Variants in IQCM observed in about 807,000 individuals in gnomAD.
IQCM encodes the protein IQ domain-containing protein M.
IQCM carries 45 observed loss-of-function variants against 57.6 expected under a neutral mutation model. The observed-to-expected ratio is 0.78, with a 90% CI of 0.62 to 1.00. The LOEUF is 1.00. Among genes scored for constraint, IQCM ranks in the 50% least tolerant of loss-of-function variants. IQCM has a pLI of 0.00. For synonymous variants in IQCM, 148 were observed against 158.9 expected, an observed-to-expected ratio of 0.93 and a Z score of 0.51; for missense variants, 468 against 511.6, an observed-to-expected ratio of 0.91 and a Z score of 0.82.
intron 2 of IQCM, among the ~76,000 whole-genome samples, chr4:149,786,505 C>CAAAAAGTGGGCA (rs1412314038): frequency 1.3e-5 from 2 of 152,046 alleles, no homozygotes; most frequent in Non-Finnish European, 2.9e-5. Flanking sequence ...CAAAAACCAT[C>CAAAAAGTGGGCA]AAAAAGTGGG....
intron 12 of IQCM, among the ~76,000 whole-genome samples, chr4:149,474,631 C>T (rs192810742): frequency 7.9e-4 from 119 of 151,164 alleles, no homozygotes; most frequent in Middle Eastern, 3.4e-3. Context: ...GCAGGAGAAT[C>T]GCTTGAACTC....
intron 13 of IQCM, among the ~76,000 whole-genome samples, chr4:149,388,150 T>C (rs1731557076): frequency 6.6e-6 from 1 of 151,956 alleles, no homozygotes; most frequent in Non-Finnish European, 1.5e-5. Context: ...TGAATAGTTG[T>C]TGATGAGTTT....
intron 5 of IQCM, among the ~76,000 whole-genome samples, chr4:149,704,455 G>T (rs1425090253): frequency 6.6e-6 from 1 of 151,808 alleles, no homozygotes; most frequent in Non-Finnish European, 1.5e-5. Flanking sequence ...TTGCCACAAA[G>T]ATATGAATAA....
intron 2 of IQCM, among the ~76,000 whole-genome samples, chr4:149,774,746 A>G (rs1185950372): frequency 1.3e-5 from 2 of 149,466 alleles, no homozygotes; most frequent in East Asian, 2.0e-4. Context: ...CCTCTTGCCT[A>G]TTAAACTCCC....
intron 10 of IQCM, among the ~76,000 whole-genome samples, chr4:149,553,760 T>C (rs191282217): frequency 2.6e-4 from 40 of 152,316 alleles, no homozygotes; most frequent in Admixed American, 2.6e-3. Context: ...TTTGTTGTTG[T>C]TGATTTCTAA....
intron 8 of IQCM, among the ~76,000 whole-genome samples, chr4:149,593,756 T>C (rs1264373750): frequency 3.3e-5 from 5 of 152,042 alleles, no homozygotes; most frequent in African/African-American, 1.2e-4. Flanking sequence ...GGATGGATTA[T>C]GTTTATTGAC....
At chr4:149,745,294 T>C (rs973675189) in intron 2 of IQCM, among the ~76,000 whole-genome samples, 3 of 152,236 alleles carry the variant, frequency 2.0e-5, no homozygotes, top group Non-Finnish European at 4.4e-5. Flanking sequence ...TTGAAAGTTT[T>C]TGAACAGGGC....
At chr4:149,522,355 CAA>C (rs1745740092) in intron 12 of IQCM, among the ~76,000 whole-genome samples, 2 of 152,032 alleles carry the variant, frequency 1.3e-5, no homozygotes, top group Non-Finnish European at 2.9e-5. Flanking sequence ...TCCAGGAACC[CAA>C]GAGTCAAGTA....
At chr4:149,703,127 A>G (rs1580060168) in intron 5 of IQCM, among the ~76,000 whole-genome samples, 1 of 151,968 alleles carries the variant, frequency 6.6e-6, no homozygotes, top group East Asian at 1.9e-4. Context: ...AACTGTCTTC[A>G]TTATATTTTA....
At chr4:149,405,419 GGC>G (rs1229221908) in intron 13 of IQCM, among the ~76,000 whole-genome samples, 1 of 151,888 alleles carries the variant, frequency 6.6e-6, no homozygotes, top group Non-Finnish European at 1.5e-5. Flanking sequence ...GGGGATGGGG[GGC>G]TGGGGGAGGG....
chr4:149,414,132 C>T (rs1476411833), intron 13 of IQCM, among the ~76,000 whole-genome samples: 1 of 151,970 alleles, frequency 6.6e-6, no homozygotes, highest in African/African-American at 2.4e-5. Flanking sequence ...TATTTTAAAC[C>T]CGTCTTATTT....
intron 2 of IQCM, among the ~76,000 whole-genome samples, chr4:149,776,282 T>C (rs1771084613): frequency 6.6e-6 from 1 of 152,174 alleles, no homozygotes; most frequent in Non-Finnish European, 1.5e-5. Context: ...AAAATCTATT[T>C]TCTTTCTGAA....
intron 10 of IQCM, among the ~76,000 whole-genome samples, chr4:149,560,668 A>G (rs1020710629): frequency 6.6e-6 from 1 of 152,214 alleles, no homozygotes; most frequent in Non-Finnish European, 1.5e-5. Flanking sequence ...TGGTCTTTCG[A>G]TGTATGACAG....
At chr4:149,375,533 C>G (rs1730652220) in intron 13 of IQCM, among the ~76,000 whole-genome samples, 1 of 152,146 alleles carries the variant, frequency 6.6e-6, no homozygotes, top group Non-Finnish European at 1.5e-5. Flanking sequence ...ATATAGTAAA[C>G]AATTTCTACT....
intron 7 of IQCM, among the ~76,000 whole-genome samples, chr4:149,656,759 C>T (rs560240827): frequency 3.4e-4 from 51 of 151,990 alleles, no homozygotes; most frequent in African/African-American, 8.7e-4. Context: ...GTACGTAGGG[C>T]GGAATTCTCT....
At chr4:149,744,441 C>G (rs1301046437) in intron 2 of IQCM, among the ~76,000 whole-genome samples, 1 of 152,170 alleles carries the variant, frequency 6.6e-6, no homozygotes. Flanking sequence ...ATGGACTCTT[C>G]TCTGGGTCTG....
intron 9 of IQCM, among the ~76,000 whole-genome samples, chr4:149,573,449 AC>A (rs1180073666): frequency 1.3e-4 from 20 of 152,014 alleles, no homozygotes; most frequent in Admixed American, 7.9e-4. Context: ...TGTAAAAAAA[AC>A]ATTAGGTTGT....
chr4:149,414,482 G>A (rs1286227850), intron 13 of IQCM, among the ~76,000 whole-genome samples: 1 of 152,118 alleles, frequency 6.6e-6, no homozygotes, highest in Non-Finnish European at 1.5e-5. Context: ...GTTTTGGAAA[G>A]CAGAGATGTG....
At chr4:149,460,762 C>T (rs1396765471) in intron 12 of IQCM, among the ~76,000 whole-genome samples, 1 of 152,100 alleles carries the variant, frequency 6.6e-6, no homozygotes, top group Non-Finnish European at 1.5e-5. Flanking sequence ...CTTTTTAATA[C>T]CCATCTTTGC....
Sources: allele counts gnomAD v4.1 joint callset (sites outside exome capture counted in the v4.1 genomes callset), GRCh38; gene constraint gnomAD v4.1.1; transcripts MANE v1.5; gene names NCBI Gene and HGNC (gene_info 2026-07-23, HGNC 2026-07-21).